PTPRJ: variants seen among roughly 807,000 people sequenced by gnomAD.
The protein encoded by PTPRJ is protein tyrosine phosphatase receptor type J, also known as receptor-type tyrosine-protein phosphatase eta.
A neutral mutation model predicts 141.3 loss-of-function variants in PTPRJ; 129 were observed. That is an observed-to-expected ratio of 0.91 (90% CI 0.79 to 1.06). The LOEUF (loss-of-function observed/expected upper bound fraction) is 1.06, where lower values mean the gene tolerates loss of function less well. Among genes scored for constraint, PTPRJ ranks in the 50% least tolerant of loss-of-function variants. The probability of loss-of-function intolerance (pLI) is 0.00; values close to 1 mark genes in which losing one functional copy is unlikely to be tolerated. For missense variants in PTPRJ, 1,601 were observed against 1,679.7 expected (o/e 0.95, Z 0.82); for synonymous variants, 610 against 640.5 (o/e 0.95, Z 0.72).
At chr11:48,127,658 C>T in intron 6 of PTPRJ, 122 bp from the exon 7 acceptor site, 1 of 1,009,440 alleles carries the variant, frequency 9.9e-7, no homozygotes, top group South Asian at 1.5e-5. Context: ...GTTGATGGTG[C>T]AGAGGAGGAA....
chr11:48,118,302 C>G (rs914910436), intron 3 of PTPRJ, among the ~76,000 whole-genome samples: 5 of 152,156 alleles, frequency 3.3e-5, no homozygotes, highest in South Asian at 2.1e-4. Flanking sequence ...CCAGGCTGCT[C>G]TTGAACTCCC....
intron 18 of PTPRJ, among the ~76,000 whole-genome samples, chr11:48,152,014 A>G (rs1857495608): frequency 1.3e-5 from 2 of 152,244 alleles, no homozygotes; most frequent in South Asian, 4.1e-4. Flanking sequence ...TCCTTGAGGA[A>G]TCACCACATT....
rs567633231 is a variant in PTPRJ, at chr11:48,073,190, T to C, written c.97-36868T>C. Among the ~76,000 whole-genome samples, 10 of 152,364 alleles carry C rather than the reference T, an allele frequency of 6.6e-5. No individual in the cohort carries two copies. In the East Asian group the frequency reaches 1.5e-3, roughly 24 times the overall value. On this transcript the variant is annotated intron_variant, in intron 1 of 24. Coordinates refer to ENST00000418331, the MANE Select transcript of PTPRJ (RefSeq NM_002843.4). The stretch of plus-strand genomic sequence containing the variant: ...TATGTCTCTCTCATTTCCTTTGGTA[T>C]GTTCTCTGGGTTAAATGTCCCCAGC...
intron 15 of PTPRJ, among the ~76,000 whole-genome samples, chr11:48,148,698 G>C (rs1857409390): frequency 6.6e-6 from 1 of 152,082 alleles, no homozygotes; most frequent in South Asian, 2.1e-4. Context: ...GCCTCTTAAA[G>C]TGCTGGGATT....
At chr11:48,138,565 A>C (rs541735816) in intron 10 of PTPRJ, among the ~76,000 whole-genome samples, 1 of 152,310 alleles carries the variant, frequency 6.6e-6, no homozygotes, top group East Asian at 1.9e-4. Flanking sequence ...TATTTACATC[A>C]GTTTGATGTT....
At chr11:48,062,097 CTA>C (rs1045670997) in intron 1 of PTPRJ, among the ~76,000 whole-genome samples, 2 of 150,228 alleles carry the variant, frequency 1.3e-5, no homozygotes, top group African/African-American at 2.4e-5. Context: ...GTGGGTTTTG[CTA>C]TGTTTCCCAG....
chr11:48,163,125 G>C (rs1443657139), intron 22 of PTPRJ, among the ~76,000 whole-genome samples: 1 of 152,136 alleles, frequency 6.6e-6, no homozygotes, highest in Non-Finnish European at 1.5e-5. Flanking sequence ...GTTCATTATT[G>C]ATAGGCAGCT....
At chr11:48,015,427 C>T (rs1854924925) in intron 1 of PTPRJ, among the ~76,000 whole-genome samples, 1 of 152,124 alleles carries the variant, frequency 6.6e-6, no homozygotes, top group Non-Finnish European at 1.5e-5. Context: ...GATCTTACCC[C>T]AACCTCCCGC....
chr11:48,149,758 G>T, intron 16 of PTPRJ: 2 of 554,900 alleles, frequency 3.6e-6, no homozygotes, highest in South Asian at 5.1e-5. Context: ...TCAAGATCCA[G>T]GGGAGAGAAG....
chr11:48,053,818 GC>G (rs1468078105), intron 1 of PTPRJ, among the ~76,000 whole-genome samples: 1 of 148,800 alleles, frequency 6.7e-6, no homozygotes, highest in African/African-American at 2.5e-5. Context: ...CTCATGATCC[GC>G]CCACCTTGAC....
chr11:48,055,032 A>G (rs1854717452), intron 1 of PTPRJ, among the ~76,000 whole-genome samples: 1 of 151,948 alleles, frequency 6.6e-6, no homozygotes, highest in Admixed American at 6.5e-5. Flanking sequence ...TAAAACATGC[A>G]AAAATTAGCC....
Position 48,123,777 on chromosome 11 carries a change from G to C in PTPRJ, c.781G>C (p.Gly261Arg). 6.2e-7 allele frequency: 1 copy of C among 1,613,984 alleles called. No homozygotes were observed. The highest frequency in any genetic ancestry group is 1.1e-5 in the South Asian group (1 of 91,070). ...QDSRLQVNIS[G>R]LKPGVQYNIN... is the part of the protein sequence containing the mutation. The stretch of plus-strand genomic sequence containing the variant: ...CTCAAGACTTCAGGTCAATATCTCG[G>C]GCCTGAAGCCAGGGGTTCAATACAA... The change falls in exon 5 of 25, where the codon GGC (glycine) becomes CGC (arginine). Residue 261 changes from glycine to arginine, a missense_variant. By Grantham distance (125) the Gly-to-Arg change is moderately radical (BLOSUM62 -2). Transcript: ENST00000418331.
At chr11:48,116,360 C>T (rs1448417513) in intron 3 of PTPRJ, among the ~76,000 whole-genome samples, 1 of 152,226 alleles carries the variant, frequency 6.6e-6, no homozygotes, top group African/African-American at 2.4e-5. Flanking sequence ...GGGATCAATT[C>T]ATCAAGAGGT....
At chr11:48,025,943 C>T (rs1026986537) in intron 1 of PTPRJ, among the ~76,000 whole-genome samples, 3 of 152,200 alleles carry the variant, frequency 2.0e-5, no homozygotes, top group African/African-American at 7.2e-5. Flanking sequence ...CTGGAATGCT[C>T]ATCCCCCCAA....
At chr11:48,140,192 G>C (rs1019510340) in intron 11 of PTPRJ, among the ~76,000 whole-genome samples, 5 of 152,056 alleles carry the variant, frequency 3.3e-5, no homozygotes, top group Non-Finnish European at 7.4e-5. Flanking sequence ...ATGTCACCAC[G>C]CCTGGCTAAT....
chr11:48,021,861 C>T (rs1381311282), intron 1 of PTPRJ, among the ~76,000 whole-genome samples: 1 of 152,168 alleles, frequency 6.6e-6, no homozygotes, highest in East Asian at 1.9e-4. Context: ...CATTATTTCA[C>T]TTGTCAGATG....
intron 1 of PTPRJ, among the ~76,000 whole-genome samples, chr11:48,082,889 C>T (rs1317156876): frequency 6.6e-6 from 1 of 152,124 alleles, no homozygotes; most frequent in Non-Finnish European, 1.5e-5. Flanking sequence ...GTACAAGGCT[C>T]ATGTATACAT....
intron 1 of PTPRJ, among the ~76,000 whole-genome samples, chr11:48,016,934 A>AT (rs924992458): frequency 1.5e-4 from 22 of 149,408 alleles, no homozygotes; most frequent in South Asian, 6.4e-4. Context: ...TTTATTTTTA[A>AT]TTTTTTTTTT....
At chr11:48,084,573 C>T (rs1855646673) in intron 1 of PTPRJ, among the ~76,000 whole-genome samples, 1 of 152,156 alleles carries the variant, frequency 6.6e-6, no homozygotes, top group Non-Finnish European at 1.5e-5. Flanking sequence ...GATTGGCTGA[C>T]ACAGCTGAGT....
Sources: allele counts gnomAD v4.1 joint callset (sites outside exome capture counted in the v4.1 genomes callset), GRCh38; gene constraint gnomAD v4.1.1; transcripts MANE v1.5; gene names NCBI Gene and HGNC (gene_info 2026-07-23, HGNC 2026-07-21).